FBXL2: variants seen among roughly 807,000 people sequenced by gnomAD.
FBXL2 encodes F-box/LRR-repeat protein 2.
FBXL2 carries 38 observed loss-of-function variants against 69.2 expected under a neutral mutation model. The ratio of observed to expected loss-of-function variants is 0.55; its 90% CI spans 0.42 to 0.72. The LOEUF is 0.72. Ranked by LOEUF, FBXL2 falls within the 30% of genes least tolerant of loss-of-function variation. FBXL2 has a pLI of 0.00. For missense variants in FBXL2, 354 were observed against 520.3 expected, an observed-to-expected ratio of 0.68 and a Z score of 3.11; for synonymous variants, 192 against 201.3, an observed-to-expected ratio of 0.95 and a Z score of 0.39.
At chr3:33,332,306 T>C (rs888188700) in intron 2 of FBXL2, among the ~76,000 whole-genome samples, 2 of 152,188 alleles carry the variant, frequency 1.3e-5, no homozygotes, top group African/African-American at 4.8e-5. Context: ...GCTAAATTAT[T>C]CTAAAATGAA....
Position 33,387,396 on chromosome 3 carries a change from G to C in FBXL2, c.*1788G>C, listed in dbSNP as rs2154053304. 1 of 152,168 alleles carries C rather than the reference G, an allele frequency of 6.6e-6. No individual in the cohort carries two copies. The highest frequency in any genetic ancestry group is 2.1e-4 in the South Asian group (1 of 4,810). 9.4% of individuals were successfully genotyped at this position (152,168 alleles called of 1,614,324 possible). A position where few individuals can be genotyped will look rare whatever the true frequency, so the allele number is the denominator to read the frequency against. On this transcript the variant is annotated 3_prime_UTR_variant, in exon 15 of 15. Coordinates refer to ENST00000484457, the MANE Select transcript of FBXL2 (RefSeq NM_012157.5). ...GCGGGTGGATCACCTGAGGTCAGGA[G>C]TTTGAGACCAGCCTGGCCAACACAG...
At chr3:33,409,191 G>A in the FBXL2 span, 4 of 1,573,774 alleles carry the variant, frequency 2.5e-6, no homozygotes, top group Non-Finnish European at 3.5e-6. Context: ...AGACTAATAT[G>A]CAACCTTTGC....
chr3:33,374,734 ATAT>A (rs1036394974), intron 9 of FBXL2, among the ~76,000 whole-genome samples: 3 of 152,212 alleles, frequency 2.0e-5, no homozygotes, highest in Admixed American at 1.3e-4. Flanking sequence ...TTAAGTGAAC[ATAT>A]TATTTTGAAT....
At position 33,395,430 on chromosome 3, in the gene FBXL2, T is replaced by C. The variant is rs566513841; in HGVS notation, n.1215-7804T>C. Reference sequence around the variant, plus strand: ...TATCCATACAATAAATGAGAAAATATATGCCTTTTAAAATGCTTGCTTTTT... The same window carrying C: ...TATCCATACAATAAATGAGAAAATACATGCCTTTTAAAATGCTTGCTTTTT... On this transcript the variant is annotated intron_variant and non_coding_transcript_variant, in intron 12 of 12. Coordinates refer to the FBXL2 transcript ENST00000463736. Among the ~76,000 whole-genome samples the C allele has an allele frequency of 2.6e-5, 4 of 152,152 alleles. No individual in the cohort carries two copies. The East Asian group carries it at 7.7e-4, about 29-fold the overall frequency.
chr3:33,364,487 G>A (rs926013998), intron 4 of FBXL2, 138 bp from the exon 5 acceptor site: 1 of 744,464 alleles, frequency 1.3e-6, no homozygotes, highest in East Asian at 2.5e-5. Flanking sequence ...TAGAACTGAG[G>A]TGTTACAGGA....
the FBXL2 span, chr3:33,409,115 G>A: frequency 4.2e-6 from 4 of 951,988 alleles, no homozygotes; most frequent in African/African-American, 1.6e-5. Flanking sequence ...ATTTCACAGA[G>A]AATAACATGT....
At chr3:33,315,434 G>A (rs913020343) in intron 2 of FBXL2, among the ~76,000 whole-genome samples, 1 of 148,972 alleles carries the variant, frequency 6.7e-6, no homozygotes, top group African/African-American at 2.5e-5. Flanking sequence ...TATTATCAAT[G>A]CAAATGTCAG....
intron 13 of FBXL2, 95 bp from the exon 14 acceptor site, chr3:33,383,894 C>A: frequency 8.5e-7 from 1 of 1,174,380 alleles, no homozygotes. Context: ...CATCCCATTG[C>A]AGAAGGGCAA....
intron 13 of FBXL2, chr3:33,383,678 AAG>A (rs1476691973): frequency 9.2e-6 from 3 of 327,810 alleles, no homozygotes; most frequent in South Asian, 7.2e-5. Context: ...ACACAATTAG[AAG>A]AGAGAAGCCA....
At chr3:33,409,643 A>C in the FBXL2 span, 10 of 1,613,172 alleles carry the variant, frequency 6.2e-6, no homozygotes, top group Non-Finnish European at 8.5e-6. Flanking sequence ...AAGAACTTCC[A>C]CTGGTTATTT....
intron 1 of FBXL2, among the ~76,000 whole-genome samples, chr3:33,281,515 G>A (rs1190090336): frequency 6.6e-6 from 1 of 152,156 alleles, no homozygotes; most frequent in East Asian, 1.9e-4. Context: ...ACGTGTGCAT[G>A]TGTCTTTATA....
intron 1 of FBXL2, among the ~76,000 whole-genome samples, chr3:33,280,123 G>A (rs2125661853): frequency 6.6e-6 from 1 of 152,282 alleles, no homozygotes; most frequent in African/African-American, 2.4e-5. Flanking sequence ...GGCATGCTTA[G>A]TCTTCTCTCC....
rs2036688770 is a variant in FBXL2 at position 33,306,093 on chromosome 3, C to G, written c.65+8368C>G. Among the ~76,000 whole-genome samples, 6 of 152,108 alleles carry G rather than the reference C, an allele frequency of 3.9e-5. No homozygotes were observed. The South Asian group carries it at 1.2e-3, about 31-fold the overall frequency. On this transcript the variant is annotated intron_variant, in intron 2 of 14. Coordinates refer to ENST00000484457, the MANE Select transcript of FBXL2 (RefSeq NM_012157.5). ...TTATTCTGTTTTCTTTAGCTGCCTTCATAAGTTGGACATTTAATTGCTTAT... is the reference window on the plus strand; with the variant it reads ...TTATTCTGTTTTCTTTAGCTGCCTTGATAAGTTGGACATTTAATTGCTTAT...
At chr3:33,342,112 C>T (rs2040073403) in intron 2 of FBXL2, among the ~76,000 whole-genome samples, 1 of 146,950 alleles carries the variant, frequency 6.8e-6, no homozygotes, top group Admixed American at 6.9e-5. Context: ...TCACGCCATT[C>T]TCCTGCCTCA....
intron 2 of FBXL2, among the ~76,000 whole-genome samples, chr3:33,352,344 A>G (rs2040883340): frequency 6.6e-6 from 1 of 152,242 alleles, no homozygotes; most frequent in Non-Finnish European, 1.5e-5. Flanking sequence ...ACCTAAAAGT[A>G]AAACACAAAA....
chr3:33,357,686 C>T (rs12629289), intron 2 of FBXL2, among the ~76,000 whole-genome samples: 19,100 of 151,936 alleles, frequency 0.13, 1,698 homozygotes, highest in East Asian at 0.41. Flanking sequence ...CCCGCCACCT[C>T]GCCCGGCTAA....
chr3:33,386,707 C>G lies in FBXL2; in HGVS notation c.*1099C>G, dbSNP rs141008112. ...GCAAAACCATTTTCCAAATGCAGACCTTCCTGATGTTATCTGAAATCTGAT... is the reference window on the plus strand; with the variant it reads ...GCAAAACCATTTTCCAAATGCAGACGTTCCTGATGTTATCTGAAATCTGAT... On this transcript the variant is annotated 3_prime_UTR_variant, in exon 15 of 15. Transcript: ENST00000484457. The G allele has an allele frequency of 6.6e-6, 1 of 152,118 alleles. No homozygotes were observed. The highest frequency in any genetic ancestry group is 6.5e-5 in the Admixed American group (1 of 15,276). The allele number at this position is 152,118 out of a possible 1,614,324, so 9.4% of individuals were successfully genotyped here. A position where few individuals can be genotyped will look rare whatever the true frequency, so the allele number is the denominator to read the frequency against.
chr3:33,396,259 G>A (rs768368014), intron 12 of FBXL2: 2 of 1,583,234 alleles, frequency 1.3e-6, no homozygotes, highest in East Asian at 2.3e-5. Context: ...AGACATAGAT[G>A]GTTAAACGGG....
chr3:33,400,334 C>A, intron 12 of FBXL2: 4 of 1,420,072 alleles, frequency 2.8e-6, no homozygotes, highest in Non-Finnish European at 3.8e-6. Flanking sequence ...AGACTTAGAA[C>A]ATTTAAACAA....
Sources: allele counts gnomAD v4.1 joint callset (sites outside exome capture counted in the v4.1 genomes callset), GRCh38; gene constraint gnomAD v4.1.1; transcripts MANE v1.5; gene names NCBI Gene and HGNC (gene_info 2026-07-23, HGNC 2026-07-21).